Variants in PCDH15 observed in about 807,000 individuals in gnomAD.
PCDH15 encodes protocadherin related 15.
Under a neutral mutation model 178.5 loss-of-function variants are expected in PCDH15, and 129 were observed. The ratio of observed to expected loss-of-function variants is 0.72; its 90% CI spans 0.63 to 0.84. The LOEUF is 0.84. PCDH15 is among the 40% of genes least tolerant of loss of function. PCDH15 has a pLI of 0.00. For synonymous variants in PCDH15, 800 were observed against 732.0 expected (o/e 1.09, Z -1.50); for missense variants, 2,230 against 2,099.9 (o/e 1.06, Z -1.21).
chr10:54,391,874 A>C (rs1366351254), intron 3 of PCDH15, among the ~76,000 whole-genome samples: 1 of 152,098 alleles, frequency 6.6e-6, no homozygotes, highest in Non-Finnish European at 1.5e-5. Context: ...TTGTCTTCTG[A>C]ATTGGTCTTG....
intron 2 of PCDH15, among the ~76,000 whole-genome samples, chr10:54,530,348 T>G (rs1267943015): frequency 6.6e-6 from 1 of 152,192 alleles, no homozygotes; most frequent in Non-Finnish European, 1.5e-5. Flanking sequence ...TCCTTCTCGT[T>G]GTCATTCTAG....
chr10:54,329,634 C>T lies in PCDH15; in HGVS notation c.667G>A (p.Glu223Lys), dbSNP rs1344604469. 3 of 1,608,288 alleles carry T rather than the reference C, an allele frequency of 1.9e-6. No homozygotes were observed. The highest frequency in any genetic ancestry group is 2.6e-6 in the Non-Finnish European group (3 of 1,175,208). ...ATGACAAAGTAGCGAGTCTTATCTT[C>T]ATAGTTGAGCCTCTTCCTTAACACT... ...NIVLRKRLNY[E>K]DKTRYFVIIQ... The change falls in exon 7 of 38, where the codon GAA becomes AAA. Residue 223 changes from glutamate to lysine, a missense_variant. By Grantham distance (56) the Glu-to-Lys change is moderately conservative. Coordinates refer to ENST00000644397, the MANE Select transcript of PCDH15 (RefSeq NM_001384140.1).
At chr10:55,020,815 T>C (rs116674975) in intron 2 of PCDH15, among the ~76,000 whole-genome samples, 1,659 of 152,274 alleles carry the variant, frequency 0.011, 30 homozygotes, top group African/African-American at 0.036. Context: ...ACAATGTAAA[T>C]TGATGCCTTA....
intron 2 of PCDH15, among the ~76,000 whole-genome samples, chr10:55,049,233 G>A (rs7896003): frequency 0.65 from 98,292 of 151,762 alleles, 32,215 homozygotes; most frequent in East Asian, 0.75. Flanking sequence ...ATATAGCACT[G>A]AAAATAATGG....
chr10:54,533,094 A>G (rs2084102911), intron 2 of PCDH15, among the ~76,000 whole-genome samples: 1 of 152,218 alleles, frequency 6.6e-6, no homozygotes, highest in Admixed American at 6.5e-5. Context: ...AAATGCATGT[A>G]TAGCTCACAT....
chr10:54,660,990 C>G (rs1420365202), intron 2 of PCDH15, among the ~76,000 whole-genome samples: 1 of 151,680 alleles, frequency 6.6e-6, no homozygotes, highest in Admixed American at 6.6e-5. Context: ...CTATGACAAA[C>G]CCACAACTAA....
chr10:55,428,781 TG>T (rs1171547038), intron 2 of PCDH15, among the ~76,000 whole-genome samples: 1 of 151,976 alleles, frequency 6.6e-6, no homozygotes, highest in Non-Finnish European at 1.5e-5. Flanking sequence ...TTTTTGTTAT[TG>T]TTTTATACAT....
intron 3 of PCDH15, among the ~76,000 whole-genome samples, chr10:54,494,142 C>G (rs576412626): frequency 6.6e-6 from 1 of 151,210 alleles, no homozygotes; most frequent in Non-Finnish European, 1.5e-5. Context: ...TGCTAAATGA[C>G]GAGTTAATGG....
At chr10:55,041,812 T>C (rs2131977841) in intron 2 of PCDH15, among the ~76,000 whole-genome samples, 1 of 152,302 alleles carries the variant, frequency 6.6e-6, no homozygotes, top group South Asian at 2.1e-4. Flanking sequence ...AACCAGATTT[T>C]ATCATTTTTC....
chr10:55,230,042 C>T (rs1841165630), intron 1 of PCDH15, among the ~76,000 whole-genome samples: 1 of 152,034 alleles, frequency 6.6e-6, no homozygotes, highest in Non-Finnish European at 1.5e-5. Flanking sequence ...ATGAAAAGCA[C>T]TTATAACCTA....
In PCDH15 at chr10:53,922,910, A is replaced by AC. The variant is rs748611324; in HGVS notation, c.3373+15904dup. Among the ~76,000 whole-genome samples the AC allele has an allele frequency of 1.6e-4, 25 of 152,156 alleles. No homozygotes were observed. In the Middle Eastern group the frequency reaches 0.02, roughly 124 times the overall value. ...AGACCATCCTGGCTAACACGGTGGA[A>AC]CCCCATCTCTACTAAAAATACAAAA... On this transcript the variant is annotated intron_variant, in intron 25 of 37. Coordinates refer to ENST00000644397, the MANE Select transcript of PCDH15 (RefSeq NM_001384140.1).
intron 3 of PCDH15, among the ~76,000 whole-genome samples, chr10:54,456,471 C>G (rs1052211698): frequency 6.6e-6 from 1 of 152,186 alleles, no homozygotes; most frequent in Non-Finnish European, 1.5e-5. Context: ...TGTATTTAAC[C>G]AATGACTGTA....
intron 2 of PCDH15, among the ~76,000 whole-genome samples, chr10:54,944,918 T>C (rs1201233590): frequency 6.6e-6 from 1 of 151,872 alleles, no homozygotes; most frequent in Non-Finnish European, 1.5e-5. Context: ...AATTTTTTTT[T>C]CAATTTGTTT....
chr10:54,755,612 TAAAG>T (rs2133060476), intron 1 of PCDH15, among the ~76,000 whole-genome samples: 1 of 152,182 alleles, frequency 6.6e-6, no homozygotes, highest in South Asian at 2.1e-4. Context: ...TATGATAAAA[TAAAG>T]ATACTAGAGA....
At chr10:54,138,174 C>T (rs2043058259) in intron 14 of PCDH15, among the ~76,000 whole-genome samples, 1 of 152,062 alleles carries the variant, frequency 6.6e-6, no homozygotes, top group South Asian at 2.1e-4. Flanking sequence ...AAGTGGGAAG[C>T]ATCCTGTGTT....
chr10:55,004,148 G>A (rs1306383863), intron 2 of PCDH15, among the ~76,000 whole-genome samples: 2 of 152,134 alleles, frequency 1.3e-5, no homozygotes, highest in Non-Finnish European at 2.9e-5. Flanking sequence ...GGTGGAAGTG[G>A]GGGAATGGAG....
At chr10:55,604,586 G>A (rs1843167018) in intron 2 of PCDH15, among the ~76,000 whole-genome samples, 8 of 145,500 alleles carry the variant, frequency 5.5e-5, no homozygotes, top group African/African-American at 1.8e-4. Flanking sequence ...TCAGGATTAA[G>A]AATCTCACTC....
intron 1 of PCDH15, among the ~76,000 whole-genome samples, chr10:55,202,447 AG>A (rs35615819): frequency 6.6e-6 from 1 of 152,110 alleles, no homozygotes; most frequent in Admixed American, 6.6e-5. Flanking sequence ...TCCAGTTACA[AG>A]GTATGTGCCT....
At chr10:54,892,504 G>A (rs1376766727) in intron 3 of PCDH15, among the ~76,000 whole-genome samples, 1 of 151,378 alleles carries the variant, frequency 6.6e-6, no homozygotes. Flanking sequence ...AAAGAAAAGA[G>A]TAAAGAGTAA....
Sources: allele counts gnomAD v4.1 joint callset (sites outside exome capture counted in the v4.1 genomes callset), GRCh38; gene constraint gnomAD v4.1.1; transcripts MANE v1.5; gene names NCBI Gene and HGNC (gene_info 2026-07-23, HGNC 2026-07-21).